SNX25: variants seen among roughly 807,000 people sequenced by gnomAD.
SNX25 encodes sorting nexin 25.
Under a neutral mutation model 113.7 loss-of-function variants are expected in SNX25, and 62 were observed. That is an observed-to-expected ratio of 0.55 (90% confidence interval 0.44 to 0.67). The LOEUF (loss-of-function observed/expected upper bound fraction) is 0.67, where lower values mean the gene tolerates loss of function less well. Among genes scored for constraint, SNX25 ranks in the 30% least tolerant of loss-of-function variants. SNX25 has a pLI of 0.00. For missense variants in SNX25, 1,014 were observed against 1,161.0 expected, an observed-to-expected ratio of 0.87 and a Z score of 1.84; for synonymous variants, 421 against 436.2, an observed-to-expected ratio of 0.97 and a Z score of 0.43.
downstream of SNX25, chr4:185,370,667 T>A: frequency 6.2e-7 from 1 of 1,614,094 alleles, no homozygotes; most frequent in South Asian, 1.1e-5. Context: ...TAGCGGTTGT[T>A]TCATCCCTGG....
chr4:185,343,758 A>C (rs150314416), intron 12 of SNX25, among the ~76,000 whole-genome samples: 1 of 152,278 alleles, frequency 6.6e-6, no homozygotes, highest in Non-Finnish European at 1.5e-5. Flanking sequence ...TCTCTTGCTT[A>C]GCGTGAACTG....
intron 6 of SNX25, among the ~76,000 whole-genome samples, chr4:185,309,631 C>T (rs1754967312): frequency 6.6e-6 from 1 of 152,144 alleles, no homozygotes; most frequent in African/African-American, 2.4e-5. Flanking sequence ...CTACCCTGCC[C>T]AGCCAGTCAC....
chr4:185,299,833 T>C (rs1753378722), intron 6 of SNX25, among the ~76,000 whole-genome samples: 2 of 152,162 alleles, frequency 1.3e-5, no homozygotes, highest in Non-Finnish European at 2.9e-5. Context: ...ATCAAGCATA[T>C]TTAAGGTGAT....
chr4:185,254,187 T>G (rs1414176500), intron 2 of SNX25, among the ~76,000 whole-genome samples: 1 of 152,174 alleles, frequency 6.6e-6, no homozygotes, highest in Non-Finnish European at 1.5e-5. Context: ...ACATGCAATA[T>G]GTATACTTTT....
intron 10 of SNX25, among the ~76,000 whole-genome samples, chr4:185,333,823 C>T (rs552074136): frequency 4.0e-5 from 6 of 151,892 alleles, no homozygotes; most frequent in African/African-American, 9.7e-5. Context: ...ATGGGTGGAT[C>T]GCTTGAGCCC....
At chr4:185,239,196 T>G (rs1743122789) in intron 1 of SNX25, among the ~76,000 whole-genome samples, 1 of 152,170 alleles carries the variant, frequency 6.6e-6, no homozygotes, top group Non-Finnish European at 1.5e-5. Context: ...AGAGAAAAGT[T>G]TTCTGCCAGG....
Position 185,268,349 on chromosome 4 carries a change from A to G in SNX25, c.1091+1194A>G, listed in dbSNP as rs116487661. ...ACACATTTGAAAATACCATAGGAGT[A>G]TCTTTTATAGGGGAGCACAGTGTCC... On this transcript the variant is annotated intron_variant, in intron 5 of 18. Coordinates refer to ENST00000652585, the MANE Select transcript of SNX25 (RefSeq NM_001378034.2). 2.5e-3 allele frequency among the ~76,000 whole-genome samples: 374 copies of G among 152,302 alleles called. 2 individuals are homozygous for G. The highest frequency in any genetic ancestry group is 8.7e-3 in the African/African-American group (362 of 41,546).
chr4:185,225,189 G>A (rs965414839), intron 1 of SNX25, among the ~76,000 whole-genome samples: 10 of 150,906 alleles, frequency 6.6e-5, no homozygotes, highest in Admixed American at 3.3e-4. Context: ...CGCCATCTCG[G>A]CTCACTGCAA....
At chr4:185,267,822 G>A (rs915375223) in intron 5 of SNX25, among the ~76,000 whole-genome samples, 1 of 152,004 alleles carries the variant, frequency 6.6e-6, no homozygotes, top group African/African-American at 2.4e-5. Context: ...CAGTTGATTA[G>A]CACGTATCTT....
chr4:185,348,382 A>G (rs868368312), intron 13 of SNX25, among the ~76,000 whole-genome samples: 1 of 149,852 alleles, frequency 6.7e-6, no homozygotes, highest in Non-Finnish European at 1.5e-5. Context: ...ATTTTGATAC[A>G]TGTATATCAT....
At chr4:185,375,455 C>CAAAAAAAAA in the SNX25 span, among the ~76,000 whole-genome samples, 9 of 14,774 alleles carry the variant, frequency 6.1e-4, no homozygotes, top group African/African-American at 8.7e-4. Context: ...GACTCCGTCT[C>CAAAAAAAAA]AAAAAAAAAA....
Position 185,363,245 on chromosome 4 carries a change from A to G in SNX25, c.2935-140A>G. 1 of 719,732 alleles carries G rather than the reference A, an allele frequency of 1.4e-6. No homozygotes were observed. Among genetic ancestry groups the G allele is most frequent in the South Asian group, 1.9e-5 (1 of 51,978 alleles). 44.6% of individuals were successfully genotyped at this position (719,732 alleles called of 1,614,324 possible). ...ATCTCTGATTATAGTTACCAATATT[A>G]AATACTGTTTGAGAGTTACTTGTTT... On this transcript the variant is annotated intron_variant, in intron 18 of 18. Transcript: ENST00000652585. The surrounding 1 kb of genome is among the most constrained non-coding windows in gnomAD (Gnocchi z 4.2).
intron 12 of SNX25, among the ~76,000 whole-genome samples, chr4:185,345,767 G>T (rs536771604): frequency 2.1e-4 from 32 of 151,940 alleles, no homozygotes; most frequent in Non-Finnish European, 4.6e-4. Context: ...CTCAGCCTGG[G>T]TGGCAGACTG....
intron 6 of SNX25, among the ~76,000 whole-genome samples, chr4:185,291,924 C>T (rs1044962363): frequency 6.6e-6 from 1 of 152,198 alleles, no homozygotes; most frequent in Non-Finnish European, 1.5e-5. Context: ...CAATTCAACC[C>T]ACTGCATTAT....
intron 7 of SNX25, 66 bp from the exon 8 acceptor site, chr4:185,320,667 G>A: frequency 8.0e-7 from 1 of 1,242,662 alleles, no homozygotes; most frequent in South Asian, 2.1e-5. Context: ...CAGTCCATTG[G>A]AAGTTAAAGC....
chr4:185,328,873 G>A (rs891239382), intron 9 of SNX25, among the ~76,000 whole-genome samples: 1 of 152,144 alleles, frequency 6.6e-6, no homozygotes, highest in Non-Finnish European at 1.5e-5. Flanking sequence ...ATTTGGGACT[G>A]AAGGCTTGGG....
chr4:185,233,072 T>A (rs764811813), intron 1 of SNX25, among the ~76,000 whole-genome samples: 2 of 151,978 alleles, frequency 1.3e-5, no homozygotes, highest in African/African-American at 2.4e-5. Flanking sequence ...TCACCTGAGG[T>A]CAGGAGTTCG....
intron 1 of SNX25, among the ~76,000 whole-genome samples, chr4:185,222,320 G>A (rs1740074564): frequency 6.7e-6 from 1 of 150,074 alleles, no homozygotes; most frequent in Non-Finnish European, 1.5e-5. Flanking sequence ...GTTCACTGTA[G>A]GTATACAGCA....
At chr4:185,294,092 T>C (rs147168252) in intron 6 of SNX25, among the ~76,000 whole-genome samples, 2 of 152,208 alleles carry the variant, frequency 1.3e-5, no homozygotes, top group East Asian at 3.9e-4. Flanking sequence ...TCCAAGAGAA[T>C]GATAGTGCTG....
Sources: gnomAD v4.1 joint callset for allele counts (sites outside exome capture counted in the v4.1 genomes callset) on GRCh38, gnomAD v4.1.1 for gene constraint, Gnocchi (gnomAD v3.1) non-coding constraint, MANE v1.5 for transcripts, NCBI Gene and HGNC (gene_info 2026-07-23, HGNC 2026-07-21) for gene names.